The following PCDHA4 variants were observed in gnomAD, a reference collection of about 807,000 sequenced individuals.
PCDHA4 encodes the protein protocadherin alpha 4.
PCDHA4 carries 49 observed loss-of-function variants against 61.4 expected under a neutral mutation model. The observed-to-expected ratio is 0.80, with a 90% CI of 0.63 to 1.01. The LOEUF is 1.01. Ranked by LOEUF, PCDHA4 falls within the 50% of genes least tolerant of loss-of-function variation. The probability of loss-of-function intolerance (pLI) is 0.00; values close to 1 mark genes in which losing one functional copy is unlikely to be tolerated. For synonymous variants in PCDHA4, 590 were observed against 550.3 expected (o/e 1.07, Z -1.01); for missense variants, 1,254 against 1,235.8 (o/e 1.01, Z -0.22).
intron 1 of PCDHA4, among the ~76,000 whole-genome samples, chr5:140,946,635 A>G (rs2094003182): frequency 1.6e-5 from 1 of 62,812 alleles, no homozygotes; most frequent in Admixed American, 1.5e-4. Flanking sequence ...TATATATACA[A>G]TGGAATACTC....
intron 1 of PCDHA4, chr5:140,855,976 G>C: frequency 6.9e-7 from 1 of 1,448,118 alleles, no homozygotes; most frequent in Non-Finnish European, 9.3e-7. Context: ...TAAGAAATAG[G>C]ACAGAAAATG....
chr5:140,824,610 G>GTTGTTTTTTTTTTTTT (rs1768193318), intron 1 of PCDHA4: 3 of 95,112 alleles, frequency 3.2e-5, no homozygotes, highest in African/African-American at 1.5e-4. Context: ...GCTAATTAAA[G>GTTGTTTTTTTTTTTTT]TTTTTTTTTT....
rs1347571265 is a variant in PCDHA4, at chr5:140,848,315, C to T, written c.2385+38743C>T. On this transcript the variant is annotated intron_variant, in intron 1 of 3. Transcript: ENST00000530339. ...GGCCACGTGATGTCACTCTTTGCCG[C>T]GATGTTCTCTCTGAATCCAGACAAA... is the stretch of plus-strand genomic sequence containing the variant. 5.4e-6 allele frequency: 4 copies of T among 741,056 alleles called. 1 individual carries two copies. Among genetic ancestry groups the T allele is most frequent in the East Asian group, 5.0e-5 (2 of 40,334 alleles). 45.9% of individuals were successfully genotyped at this position (741,056 alleles called of 1,614,324 possible).
chr5:140,834,475 T>G, intron 1 of PCDHA4: 1 of 1,614,156 alleles, frequency 6.2e-7, no homozygotes, highest in Non-Finnish European at 8.5e-7. Context: ...AGAGGCCAGC[T>G]CCACTACTCG....
chr5:140,994,988 A>G (rs781915746), intron 3 of PCDHA4, among the ~76,000 whole-genome samples: 3 of 152,166 alleles, frequency 2.0e-5, no homozygotes, highest in Non-Finnish European at 4.4e-5. Flanking sequence ...ACCCACTAGA[A>G]GGTTAGTTGG....
Position 140,993,509 on chromosome 5 carries a change from CGGGGAGAGAG to C in PCDHA4, c.2533+10947_2533+10956del, listed in dbSNP as rs2097568307. Among the ~76,000 whole-genome samples, 3 of 143,488 alleles carry C rather than the reference CGGGGAGAGAG, an allele frequency of 2.1e-5. No homozygotes were observed. In the Admixed American group the frequency reaches 2.1e-4, roughly 10 times the overall value. 94.1% of individuals were successfully genotyped at this position (143,488 alleles called of 152,430 possible). A position where few individuals can be genotyped will look rare whatever the true frequency, so the allele number is the denominator to read the frequency against. On this transcript the variant is annotated intron_variant, in intron 3 of 3. Coordinates refer to ENST00000530339, the MANE Select transcript of PCDHA4 (RefSeq NM_018907.4). Reference sequence around the variant, plus strand: ...ACACACACACACACACACACACACACGGGGAGAGAGAGACAGAGAGAGAGAGAGATAGAGA... The same window carrying C: ...ACACACACACACACACACACACACACAGACAGAGAGAGAGAGAGATAGAGA...
Position 140,841,591 on chromosome 5 carries a change from C to A in PCDHA4, c.2385+32019C>A, listed in dbSNP as rs2150318680. On this transcript the variant is annotated intron_variant, in intron 1 of 3. Coordinates refer to ENST00000530339, the MANE Select transcript of PCDHA4 (RefSeq NM_018907.4). ...GCATTTTGTTTGTGAATTCTCGGAT[C>A]GACCGCGAGGAGCTGTGCGGGCGGA... The A allele has an allele frequency of 3.1e-6, 5 of 1,614,046 alleles. No individual in the cohort carries two copies. In the South Asian group the frequency reaches 5.5e-5, roughly 18 times the overall value.
At chr5:140,968,639 GC>G in intron 1 of PCDHA4, 1 of 1,614,150 alleles carries the variant, frequency 6.2e-7, no homozygotes, top group Non-Finnish European at 8.5e-7. Context: ...TTACCATCTA[GC>G]CCAGACTTCT....
intron 1 of PCDHA4, among the ~76,000 whole-genome samples, chr5:140,833,733 C>T (rs1772600974): frequency 1.4e-5 from 2 of 144,312 alleles, no homozygotes; most frequent in Admixed American, 1.4e-4. Context: ...GCTAATGTTT[C>T]TTGCCTCCTA....
chr5:140,865,903 ATCTT>A (rs1453140496), intron 1 of PCDHA4: 10 of 152,252 alleles, frequency 6.6e-5, no homozygotes, highest in African/African-American at 1.9e-4. Flanking sequence ...GTACAGGCAA[ATCTT>A]TCTTTCTGTT....
intron 1 of PCDHA4, chr5:140,929,069 G>A (rs1554206647): frequency 1.2e-6 from 2 of 1,614,192 alleles, no homozygotes; most frequent in Non-Finnish European, 8.5e-7. Context: ...GAGGATCTGA[G>A]GTATGGAAGT....
chr5:140,809,211 C>G lies in PCDHA4; in HGVS notation c.2024C>G (p.Ala675Gly), dbSNP rs1554125084. The change falls in exon 1 of 4, where the codon GCG becomes GGG. Residue 675 changes from alanine (A) to glycine (G), a missense_variant. Transcript: ENST00000530339. ...GTGTCACTTGTGGAGAGTGGACAGG[C>G]GCCAAAGGCCTCCTCACGGGCGTTG... Reference protein sequence around the residue: ...VLVSLVESGQAPKASSRALVG... With the variant: ...VLVSLVESGQGPKASSRALVG... 2.5e-6 allele frequency: 4 copies of G among 1,613,930 alleles called. No individual in the cohort carries two copies. The highest frequency in any genetic ancestry group is 2.7e-5 in the African/African-American group (2 of 74,942).
Position 140,856,069 on chromosome 5 carries a change from C to A in PCDHA4, c.2385+46497C>A, listed in dbSNP as rs149846721. ...ATAAGATGGTTTCCAGATGTAGCTG[C>A]CTGGGGGTCCAGTGTCTGCTGCTCT... On this transcript the variant is annotated intron_variant, in intron 1 of 3. Coordinates refer to ENST00000530339, the MANE Select transcript of PCDHA4 (RefSeq NM_018907.4). 5 of 1,591,600 alleles carry A rather than the reference C, an allele frequency of 3.1e-6. 1 individual carries two copies. Among genetic ancestry groups the A allele is most frequent in the Non-Finnish European group, 4.3e-6 (5 of 1,163,516 alleles).
intron 1 of PCDHA4, among the ~76,000 whole-genome samples, chr5:140,941,595 A>G (rs1273931279): frequency 6.6e-6 from 1 of 152,016 alleles, no homozygotes; most frequent in Non-Finnish European, 1.5e-5. Context: ...GATTACAGCC[A>G]TGAGCCATGG....
chr5:140,848,601 C>T (rs2150414189), intron 1 of PCDHA4: 4 of 1,593,618 alleles, frequency 2.5e-6, no homozygotes, highest in Admixed American at 3.4e-5. Context: ...CTACTCCGTC[C>T]CGGAGGAAGC....
intron 1 of PCDHA4, chr5:140,829,316 C>T (rs2150165789): frequency 2.5e-6 from 4 of 1,614,262 alleles, no homozygotes; most frequent in Admixed American, 3.3e-5. Flanking sequence ...CTCGTTGGTG[C>T]TGGACAGTGC....
At chr5:140,845,489 T>C (rs1779894647) in intron 1 of PCDHA4, among the ~76,000 whole-genome samples, 1 of 149,700 alleles carries the variant, frequency 6.7e-6, no homozygotes, top group Non-Finnish European at 1.5e-5. Context: ...GCTTTCACAG[T>C]GAGAAAGTCT....
chr5:140,892,158 T>A (rs1442080527), intron 1 of PCDHA4, among the ~76,000 whole-genome samples: 2 of 152,242 alleles, frequency 1.3e-5, no homozygotes, highest in Non-Finnish European at 2.9e-5. Context: ...ATTTCTGATA[T>A]GTCCAGTAAC....
At chr5:140,941,651 T>C (rs2093139674) in intron 1 of PCDHA4, among the ~76,000 whole-genome samples, 3 of 152,120 alleles carry the variant, frequency 2.0e-5, no homozygotes, top group Admixed American at 6.6e-5. Context: ...CTACAACTTA[T>C]GTCCAATTTT....
Sources: gnomAD v4.1 joint callset for allele counts (sites outside exome capture counted in the v4.1 genomes callset) on GRCh38, gnomAD v4.1.1 for gene constraint, MANE v1.5 for transcripts, NCBI Gene and HGNC (gene_info 2026-07-23, HGNC 2026-07-21) for gene names.